PANX1: variants seen among roughly 807,000 people sequenced by gnomAD.
PANX1 encodes the protein pannexin 1.
A neutral mutation model predicts 38.7 loss-of-function variants in PANX1; 30 were observed. The ratio of observed to expected loss-of-function variants is 0.78; its 90% CI spans 0.58 to 1.05. The LOEUF (loss-of-function observed/expected upper bound fraction) is 1.05. Among genes scored for constraint, PANX1 ranks in the 50% least tolerant of loss-of-function variants. The probability of loss-of-function intolerance (pLI) is 0.00; values close to 1 mark genes in which losing one functional copy is unlikely to be tolerated. For synonymous variants in PANX1, 230 were observed against 212.2 expected (o/e 1.08, Z -0.73); for missense variants, 551 against 517.2 (o/e 1.07, Z -0.63).
chr11:94,145,145 A>T (rs1191298997), intron 1 of PANX1, among the ~76,000 whole-genome samples: 1 of 152,202 alleles, frequency 6.6e-6, no homozygotes, highest in Non-Finnish European at 1.5e-5. Flanking sequence ...AAGCAAGCCA[A>T]AGAGGACTAT....
At chr11:94,163,012 A>G (rs1473653544) in intron 2 of PANX1, among the ~76,000 whole-genome samples, 1 of 151,894 alleles carries the variant, frequency 6.6e-6, no homozygotes, top group East Asian at 1.9e-4. Context: ...AGCTGGGACT[A>G]CAGGCATGCA....
At position 94,165,130 on chromosome 11, in the gene PANX1, C is replaced by T. The variant is rs576876328; in HGVS notation, c.321+11500C>T. ...GGTCTTGGTTTTTTATCCAGTGAGC[C>T]ATTCTTTCTCTTGATTGAAGAATTT... On this transcript the variant is annotated intron_variant, in intron 2 of 4. Transcript: ENST00000227638. Among the ~76,000 whole-genome samples the T allele has an allele frequency of 2.0e-5, 3 of 152,128 alleles. No homozygotes were observed. The South Asian group carries it at 6.2e-4, about 32-fold the overall frequency.
intron 3 of PANX1, among the ~76,000 whole-genome samples, chr11:94,178,860 C>A (rs149610591): frequency 1.4e-3 from 220 of 152,222 alleles, no homozygotes; most frequent in African/African-American, 5.0e-3. Flanking sequence ...TTTAAAAATG[C>A]AGTTCTTGTA....
rs745672639 is a variant in PANX1 at position 94,179,720 on chromosome 11, A to G, written c.664A>G (p.Ile222Val). ...CATTAGCTGCCGCCTGCTGACACTCATCATTATACTGTTAGCGTGTATCTA... is the reference window on the plus strand; with the variant it reads ...CATTAGCTGCCGCCTGCTGACACTCGTCATTATACTGTTAGCGTGTATCTA... ...KYISCRLLTL[I>V]IILLACIYLG... The change falls in exon 4 of 5, where the codon ATC becomes GTC. Residue 222 changes from isoleucine to valine, a missense_variant. Ile to Val is a conservative substitution (Grantham distance 29). Transcript: ENST00000227638. The G allele has an allele frequency of 6.2e-7, 1 of 1,613,900 alleles. No individual in the cohort carries two copies. The highest frequency in any genetic ancestry group is 8.5e-7 in the Non-Finnish European group (1 of 1,179,890).
chr11:94,146,957 A>G (rs183235174), intron 1 of PANX1, among the ~76,000 whole-genome samples: 38 of 152,304 alleles, frequency 2.5e-4, no homozygotes, highest in Middle Eastern at 3.4e-3. Context: ...GAAGACACAC[A>G]CTTTTGAGAG....
intron 2 of PANX1, among the ~76,000 whole-genome samples, chr11:94,174,735 C>T (rs1947211740): frequency 6.6e-6 from 1 of 151,632 alleles, no homozygotes; most frequent in South Asian, 2.1e-4. Flanking sequence ...CACTTAATCC[C>T]CTAAGATGAG....
intron 4 of PANX1, 146 bp downstream of exon 4, chr11:94,180,403 G>A: frequency 1.2e-5 from 8 of 654,842 alleles, no homozygotes; most frequent in Non-Finnish European, 2.1e-5. Flanking sequence ...CGGGGTAGGG[G>A]GAGTGGGAAC....
At chr11:94,134,752 A>C (rs1946668929) in intron 1 of PANX1, among the ~76,000 whole-genome samples, 1 of 148,258 alleles carries the variant, frequency 6.7e-6, no homozygotes, top group African/African-American at 2.5e-5. Context: ...AAGTGCGGCC[A>C]CAAGGAAAGG....
In PANX1 at chr11:94,141,036, G is replaced by A. The variant is rs116380820; in HGVS notation, c.181+11543G>A. On this transcript the variant is annotated intron_variant, in intron 1 of 4. Coordinates refer to ENST00000227638, the MANE Select transcript of PANX1 (RefSeq NM_015368.4). Reference sequence around the variant, plus strand: ...CCAAAACTGCACTGCATACACTCATGAGAGAACGAGAGTAGAAAGGTAAGT... The same window carrying A: ...CCAAAACTGCACTGCATACACTCATAAGAGAACGAGAGTAGAAAGGTAAGT... Among the ~76,000 whole-genome samples, 291 of 152,240 alleles carry A rather than the reference G, an allele frequency of 1.9e-3. 2 individuals carry two copies. Among genetic ancestry groups the A allele is most frequent in the African/African-American group, 6.6e-3 (276 of 41,522 alleles).
chr11:94,149,785 A>G (rs1946865394), intron 1 of PANX1, among the ~76,000 whole-genome samples: 1 of 152,152 alleles, frequency 6.6e-6, no homozygotes, highest in Non-Finnish European at 1.5e-5. Context: ...TTTCTCACCT[A>G]TCAAGTTGGA....
At chr11:94,129,982 G>A (rs1345321881) in intron 1 of PANX1, among the ~76,000 whole-genome samples, 5 of 152,220 alleles carry the variant, frequency 3.3e-5, no homozygotes, top group Admixed American at 2.6e-4. Flanking sequence ...GCTCTCTAGG[G>A]TTGTGAATGA....
intron 2 of PANX1, among the ~76,000 whole-genome samples, chr11:94,155,473 C>A (rs942683488): frequency 1.3e-5 from 2 of 151,934 alleles, no homozygotes; most frequent in Non-Finnish European, 1.5e-5. Flanking sequence ...GAGATCACAC[C>A]ACTGCACTCC....
intron 2 of PANX1, among the ~76,000 whole-genome samples, chr11:94,176,923 G>C (rs1394818044): frequency 1.3e-5 from 2 of 151,590 alleles, no homozygotes; most frequent in African/African-American, 2.4e-5. Context: ...TCCCTGCCAG[G>C]GTTGCTGTGA....
chr11:94,160,022 A>G (rs1947004393), intron 2 of PANX1, among the ~76,000 whole-genome samples: 1 of 152,044 alleles, frequency 6.6e-6, no homozygotes, highest in South Asian at 2.1e-4. Flanking sequence ...TTCAGTTTCC[A>G]TGTAGTTGAG....
At chr11:94,138,512 T>C (rs1459869740) in intron 1 of PANX1, among the ~76,000 whole-genome samples, 1 of 152,338 alleles carries the variant, frequency 6.6e-6, no homozygotes, top group Non-Finnish European at 1.5e-5. Flanking sequence ...TGTTTTTTAA[T>C]TTTTAATTTT....
intron 2 of PANX1, among the ~76,000 whole-genome samples, chr11:94,155,223 G>A (rs1160876674): frequency 6.6e-6 from 1 of 152,028 alleles, no homozygotes; most frequent in African/African-American, 2.4e-5. Context: ...TGGTACGGGT[G>A]CCTGTAATCC....
At chr11:94,136,549 C>T (rs7116597) in intron 1 of PANX1, among the ~76,000 whole-genome samples, 5,856 of 151,512 alleles carry the variant, frequency 0.039, 399 homozygotes, top group African/African-American at 0.14. Context: ...GGGAGGCCGA[C>T]GTGGGCGGAT....
Position 94,129,518 on chromosome 11 carries a change from G to C in PANX1, c.181+25G>C, listed in dbSNP as rs374725362. On this transcript the variant is annotated intron_variant, in intron 1 of 4. Transcript: ENST00000227638. ...GGTAAGCCTCGCCCAGGACGGAGGGGAGTGGCCGCCCCGGTCTGGCCCGGT... is the reference window on the plus strand; with the variant it reads ...GGTAAGCCTCGCCCAGGACGGAGGGCAGTGGCCGCCCCGGTCTGGCCCGGT... 417 of 1,586,302 alleles carry C rather than the reference G, an allele frequency of 2.6e-4. 2 individuals carry two copies. In the African/African-American group the frequency reaches 4.9e-3, roughly 19 times the overall value.
chr11:94,173,359 A>C (rs1433694070), intron 2 of PANX1, among the ~76,000 whole-genome samples: 1 of 151,610 alleles, frequency 6.6e-6, no homozygotes, highest in African/African-American at 2.4e-5. Context: ...TGTGCTGCCA[A>C]ATCCTGAATT....
Sources: gnomAD v4.1 joint callset for allele counts (sites outside exome capture counted in the v4.1 genomes callset) on GRCh38, gnomAD v4.1.1 for gene constraint, MANE v1.5 for transcripts, NCBI Gene and HGNC (gene_info 2026-07-23, HGNC 2026-07-21) for gene names.